Variants in MYO1D observed in about 807,000 individuals in gnomAD.
The protein encoded by MYO1D is myosin ID.
MYO1D carries 83 observed loss-of-function variants against 122.0 expected under a neutral mutation model. The observed-to-expected ratio is 0.68, with a 90% confidence interval of 0.57 to 0.82. The LOEUF is 0.82. Ranked by LOEUF, MYO1D falls within the 40% of genes least tolerant of loss-of-function variation. The probability of loss-of-function intolerance (pLI) is 0.00; values close to 1 mark genes in which losing one functional copy is unlikely to be tolerated. For missense variants in MYO1D, 1,157 were observed against 1,269.5 expected (o/e 0.91, Z 1.35); for synonymous variants, 464 against 446.9 (o/e 1.04, Z -0.48).
chr17:32,784,319 G>C (rs1043337490), intron 1 of MYO1D, among the ~76,000 whole-genome samples: 10 of 152,032 alleles, frequency 6.6e-5, no homozygotes, highest in African/African-American at 2.2e-4. Flanking sequence ...CCTTTTCCTG[G>C]TTCCTTCTTC....
intron 1 of MYO1D, among the ~76,000 whole-genome samples, chr17:32,864,290 A>G (rs2091105385): frequency 6.6e-6 from 1 of 150,968 alleles, no homozygotes; most frequent in Non-Finnish European, 1.5e-5. Flanking sequence ...CAGATTACAG[A>G]TTTTTTTTTA....
intron 16 of MYO1D, among the ~76,000 whole-genome samples, chr17:32,661,175 C>T (rs2088559942): frequency 6.6e-6 from 1 of 151,962 alleles, no homozygotes; most frequent in Non-Finnish European, 1.5e-5. Flanking sequence ...TTCTGACAAC[C>T]TTTATAATTT....
chr17:32,815,978 T>C (rs1299264178), intron 1 of MYO1D, among the ~76,000 whole-genome samples: 4 of 152,210 alleles, frequency 2.6e-5, no homozygotes, highest in Admixed American at 6.5e-5. Flanking sequence ...CCTTTATCCA[T>C]GGTAACCTAG....
At chr17:32,756,346 A>G (rs1451488640) in intron 10 of MYO1D, 3 of 217,686 alleles carry the variant, frequency 1.4e-5, no homozygotes, top group African/African-American at 6.8e-5. Flanking sequence ...CAGAATATAT[A>G]TACTAAAAAA....
rs186243594 is a variant in MYO1D, at chr17:32,809,185, A to T, written c.96-28401T>A. On this transcript the variant is annotated intron_variant, in intron 1 of 21. Coordinates refer to ENST00000318217, the MANE Select transcript of MYO1D (RefSeq NM_015194.3). ...CATCCTGGAGTGCAGTTGTGCAATC[A>T]TAAGCTCACTGCAGCCCCAAATTCC... Among the ~76,000 whole-genome samples the T allele has an allele frequency of 2.4e-3, 368 of 151,004 alleles. 3 individuals carry two copies. The highest frequency in any genetic ancestry group is 8.6e-3 in the African/African-American group (355 of 41,204).
intron 21 of MYO1D, among the ~76,000 whole-genome samples, chr17:32,604,864 A>G (rs1468222096): frequency 6.6e-6 from 1 of 152,210 alleles, no homozygotes; most frequent in East Asian, 1.9e-4. Flanking sequence ...GAAATCTCTC[A>G]TTGTTGGTTC....
At chr17:32,545,552 C>T (rs927811711) in intron 21 of MYO1D, among the ~76,000 whole-genome samples, 3 of 152,078 alleles carry the variant, frequency 2.0e-5, no homozygotes, top group Admixed American at 6.6e-5. Context: ...GAATCATGAC[C>T]GCTGTCTTAC....
chr17:32,812,139 G>A (rs2090577630), intron 1 of MYO1D, among the ~76,000 whole-genome samples: 1 of 152,202 alleles, frequency 6.6e-6, no homozygotes, highest in African/African-American at 2.4e-5. Context: ...GATAAGTTTA[G>A]TTTTGAATTC....
intron 21 of MYO1D, among the ~76,000 whole-genome samples, chr17:32,554,542 A>C (rs181303012): frequency 5.9e-5 from 9 of 152,356 alleles, no homozygotes; most frequent in African/African-American, 2.2e-4. Context: ...TATTTACCTG[A>C]TCTTTCAGTG....
chr17:32,698,581 A>G (rs2089205371), intron 16 of MYO1D, among the ~76,000 whole-genome samples: 1 of 152,102 alleles, frequency 6.6e-6, no homozygotes, highest in Non-Finnish European at 1.5e-5. Flanking sequence ...TAGGCAAATG[A>G]ATGACAAAAC....
chr17:32,563,087 TTTG>T (rs560456041), intron 21 of MYO1D, among the ~76,000 whole-genome samples: 79 of 152,306 alleles, frequency 5.2e-4, no homozygotes, highest in African/African-American at 1.8e-3. Context: ...ATCTCATTGT[TTTG>T]TTAAGACATC....
intron 2 of MYO1D, among the ~76,000 whole-genome samples, chr17:32,780,167 C>A (rs2090220671): frequency 1.3e-5 from 2 of 152,114 alleles, no homozygotes; most frequent in Non-Finnish European, 2.9e-5. Flanking sequence ...TCAGTAGGTC[C>A]CTCAACACTA....
At position 32,828,536 on chromosome 17, in the gene MYO1D, A is replaced by G. The variant is rs1035521378; in HGVS notation, c.96-47752T>C. On this transcript the variant is annotated intron_variant, in intron 1 of 21. Transcript: ENST00000318217. The stretch of plus-strand genomic sequence containing the variant: ...GTCTCAAAAAAAAAAAAAAAAAAAA[A>G]AAAGAAAGAAGACAGGAAACAGGTG... Among the ~76,000 whole-genome samples, 18 of 151,226 alleles carry G rather than the reference A, an allele frequency of 1.2e-4. No homozygotes were observed. The South Asian group carries it at 2.3e-3, about 19-fold the overall frequency.
rs368904498 is a variant in MYO1D at position 32,678,443 on chromosome 17, A to G, written c.2122-19105T>C. ...TCCACCACAGTCCCCAGAGTGTGAT[A>G]TTCCCCTTCCTGTGTCCATGTGATC... On this transcript the variant is annotated intron_variant, in intron 16 of 21. Transcript: ENST00000318217. 4.5e-5 allele frequency among the ~76,000 whole-genome samples: 6 copies of G among 132,802 alleles called. No homozygotes were observed. The East Asian group carries it at 1.4e-3, about 32-fold the overall frequency. 87.1% of individuals were successfully genotyped at this position (132,802 alleles called of 152,430 possible).
chr17:32,618,275 A>C (rs2087803040), intron 20 of MYO1D, among the ~76,000 whole-genome samples: 1 of 152,218 alleles, frequency 6.6e-6, no homozygotes, highest in South Asian at 2.1e-4. Context: ...GGTCAAGGAA[A>C]ATAATTGTAA....
intron 21 of MYO1D, among the ~76,000 whole-genome samples, chr17:32,568,881 CTA>C (rs2150894502): frequency 6.6e-6 from 1 of 152,316 alleles, no homozygotes; most frequent in East Asian, 1.9e-4. Context: ...GGTCCAGCCT[CTA>C]TGCTCCTATG....
intron 11 of MYO1D, among the ~76,000 whole-genome samples, chr17:32,750,106 T>A (rs1444126758): frequency 1.3e-5 from 2 of 152,208 alleles, no homozygotes; most frequent in African/African-American, 4.8e-5. Flanking sequence ...AGTTCAGGAC[T>A]ATCATTTCAC....
intron 1 of MYO1D, among the ~76,000 whole-genome samples, chr17:32,818,881 A>G (rs1408496363): frequency 6.6e-6 from 1 of 152,232 alleles, no homozygotes; most frequent in Non-Finnish European, 1.5e-5. Flanking sequence ...AAATCTTATG[A>G]AGTTCTGCCT....
At chr17:32,512,554 T>C (rs1223468800) in intron 21 of MYO1D, among the ~76,000 whole-genome samples, 1 of 151,108 alleles carries the variant, frequency 6.6e-6, no homozygotes, top group Non-Finnish European at 1.5e-5. Flanking sequence ...GTGTCCTGGC[T>C]TTGCGTGGCT....
Sources: gnomAD v4.1 joint callset for allele counts (sites outside exome capture counted in the v4.1 genomes callset) on GRCh38, gnomAD v4.1.1 for gene constraint, MANE v1.5 for transcripts, NCBI Gene and HGNC (gene_info 2026-07-23, HGNC 2026-07-21) for gene names.